DNER: variants seen among roughly 807,000 people sequenced by gnomAD.
DNER encodes delta/notch like EGF repeat containing.
In DNER, 33 loss-of-function variants were observed where a neutral mutation model predicts 78.2. That is an observed-to-expected ratio of 0.42 (90% CI 0.32 to 0.56). The LOEUF is 0.56. Ranked by LOEUF, DNER falls within the 20% of genes least tolerant of loss-of-function variation. The pLI is 0.11. For missense variants in DNER, 918 were observed against 975.3 expected, an observed-to-expected ratio of 0.94 and a Z score of 0.78; for synonymous variants, 417 against 384.8, an observed-to-expected ratio of 1.08 and a Z score of -0.98.
chr2:229,494,733 T>C (rs560637484), intron 6 of DNER, among the ~76,000 whole-genome samples: 4 of 152,274 alleles, frequency 2.6e-5, no homozygotes, highest in South Asian at 4.2e-4. Context: ...ACAGCCCCGC[T>C]GATCTCTGAG....
chr2:229,367,138 A>G lies in DNER; in HGVS notation c.1856-19T>C. On this transcript the variant is annotated intron_variant, in intron 11 of 12. Transcript: ENST00000341772. ...TGGAGGTCTGCAGGCAAAAATAAGC[A>G]AATGGCTGGGTATGAGTTGTCACCT... is the stretch of plus-strand genomic sequence containing the variant. 1 of 1,613,814 alleles carries G rather than the reference A, an allele frequency of 6.2e-7. No homozygotes were observed.
chr2:229,517,742 C>A (rs1559155113), intron 5 of DNER, among the ~76,000 whole-genome samples: 1 of 152,216 alleles, frequency 6.6e-6, no homozygotes, highest in South Asian at 2.1e-4. Context: ...TTTTGGTTGT[C>A]ACAGCCGAGG....
intron 5 of DNER, among the ~76,000 whole-genome samples, chr2:229,529,261 C>T (rs1211175173): frequency 1.3e-5 from 2 of 151,954 alleles, no homozygotes; most frequent in South Asian, 2.1e-4. Context: ...GAGCGAGCTT[C>T]GGCTGAAAAA....
At chr2:229,605,854 T>C (rs1426117492) in intron 1 of DNER, among the ~76,000 whole-genome samples, 2 of 152,070 alleles carry the variant, frequency 1.3e-5, no homozygotes, top group African/African-American at 4.8e-5. Context: ...ATAGCACCAC[T>C]GCACTCCAGC....
chr2:229,522,721 G>A (rs548436878), intron 5 of DNER, among the ~76,000 whole-genome samples: 50 of 152,264 alleles, frequency 3.3e-4, no homozygotes, highest in Admixed American at 2.2e-3. Flanking sequence ...AAGTTACCTC[G>A]GATGGGAGCA....
intron 1 of DNER, among the ~76,000 whole-genome samples, chr2:229,710,078 T>C (rs1699888490): frequency 1.3e-5 from 2 of 152,216 alleles, no homozygotes; most frequent in African/African-American, 4.8e-5. Flanking sequence ...CTTGCCATCA[T>C]GGTAAAAATA....
At chr2:229,400,572 C>T (rs1223040672) in intron 10 of DNER, among the ~76,000 whole-genome samples, 7 of 151,924 alleles carry the variant, frequency 4.6e-5, no homozygotes, top group East Asian at 1.9e-4. Context: ...AAAAATTAAC[C>T]ACATTAATGG....
At chr2:229,558,221 C>A (rs924239104) in intron 4 of DNER, among the ~76,000 whole-genome samples, 1 of 152,002 alleles carries the variant, frequency 6.6e-6, no homozygotes, top group Admixed American at 6.6e-5. Context: ...ACACTGGCGC[C>A]TTTTGGAGGG....
chr2:229,357,680 G>A lies in DNER; in HGVS notation c.*860C>T, dbSNP rs1272377914. 6.6e-6 allele frequency: 1 copy of A among 152,174 alleles called. No homozygotes were observed. The highest frequency in any genetic ancestry group is 1.5e-5 in the Non-Finnish European group (1 of 68,042). 9.4% of individuals were successfully genotyped at this position (152,174 alleles called of 1,614,324 possible). ...TATGGTTGGAAATTAGCAAGAATCAGAAGAAGCACATATCAATCAAATACA... is the reference window on the plus strand; with the variant it reads ...TATGGTTGGAAATTAGCAAGAATCAAAAGAAGCACATATCAATCAAATACA... On this transcript the variant is annotated 3_prime_UTR_variant, in exon 13 of 13. Transcript: ENST00000341772.
intron 6 of DNER, among the ~76,000 whole-genome samples, chr2:229,485,707 TGAA>T (rs768274819): frequency 1.3e-4 from 20 of 152,166 alleles, no homozygotes; most frequent in Non-Finnish European, 2.6e-4. Context: ...AGTCAGATTA[TGAA>T]GAAGAAGGGC....
At chr2:229,410,492 C>T (rs1361905459) in intron 9 of DNER, among the ~76,000 whole-genome samples, 1 of 152,206 alleles carries the variant, frequency 6.6e-6, no homozygotes, top group Non-Finnish European at 1.5e-5. Context: ...CAAAAACACC[C>T]TATTTTGTCA....
At chr2:229,555,552 C>CCT (rs1696840922) in intron 4 of DNER, among the ~76,000 whole-genome samples, 1 of 152,158 alleles carries the variant, frequency 6.6e-6, no homozygotes, top group African/African-American at 2.4e-5. Flanking sequence ...ACATCATGTA[C>CCT]CTCTTCCTGA....
At chr2:229,365,363 G>A (rs942204234) in intron 12 of DNER, among the ~76,000 whole-genome samples, 2 of 152,184 alleles carry the variant, frequency 1.3e-5, no homozygotes, top group African/African-American at 4.8e-5. Flanking sequence ...GTCCTTGATG[G>A]AAACAAGACG....
chr2:229,466,994 A>G (rs939809607), intron 7 of DNER, among the ~76,000 whole-genome samples: 4 of 151,960 alleles, frequency 2.6e-5, no homozygotes, highest in Non-Finnish European at 5.9e-5. Context: ...GTCATCAGGG[A>G]AAAAAAATCA....
At chr2:229,691,067 A>G (rs1301237286) in intron 1 of DNER, among the ~76,000 whole-genome samples, 1 of 152,218 alleles carries the variant, frequency 6.6e-6, no homozygotes, top group Non-Finnish European at 1.5e-5. Flanking sequence ...CAGACCAACC[A>G]TCCTGCTGAG....
chr2:229,492,579 C>T (rs1257450170), intron 6 of DNER, among the ~76,000 whole-genome samples: 1 of 152,232 alleles, frequency 6.6e-6, no homozygotes, highest in African/African-American at 2.4e-5. Context: ...TCAAGTCCCA[C>T]AGCCTTATGG....
At chr2:229,454,439 C>T (rs1255429560) in intron 7 of DNER, among the ~76,000 whole-genome samples, 2 of 152,078 alleles carry the variant, frequency 1.3e-5, no homozygotes, top group African/African-American at 4.8e-5. Flanking sequence ...TCAAAAAGTC[C>T]CACTGCTGTT....
chr2:229,499,217 G>A (rs10177861), intron 6 of DNER, among the ~76,000 whole-genome samples: 35,272 of 151,938 alleles, frequency 0.23, 5,142 homozygotes, highest in Non-Finnish European at 0.33. Flanking sequence ...AGGCCGAGGC[G>A]GGCAGATCAC....
chr2:229,588,270 C>T (rs1697536374), intron 3 of DNER, 124 bp downstream of exon 3: 1 of 792,660 alleles, frequency 1.3e-6, no homozygotes, highest in Admixed American at 2.4e-5. Flanking sequence ...CCACATCTAC[C>T]CGTGGAATCT....
Sources: gnomAD v4.1 joint callset for allele counts (sites outside exome capture counted in the v4.1 genomes callset) on GRCh38, gnomAD v4.1.1 for gene constraint, MANE v1.5 for transcripts, NCBI Gene and HGNC (gene_info 2026-07-23, HGNC 2026-07-21) for gene names.